The following HEPH variants were observed in gnomAD, a reference collection of about 807,000 sequenced individuals.
The protein encoded by HEPH is hephaestin.
HEPH carries 69 observed loss-of-function variants against 80.8 expected under a neutral mutation model. The ratio of observed to expected loss-of-function variants is 0.85; its 90% confidence interval spans 0.70 to 1.04. The LOEUF (loss-of-function observed/expected upper bound fraction) is 1.04, where lower values mean the gene tolerates loss of function less well. Among genes scored for constraint, HEPH ranks in the 50% least tolerant of loss-of-function variants. HEPH has a pLI of 0.00. For synonymous variants in HEPH, 431 were observed against 322.8 expected, an observed-to-expected ratio of 1.34 and a Z score of -3.60; for missense variants, 1,115 against 891.3, an observed-to-expected ratio of 1.25 and a Z score of -3.20.
intron 1 of HEPH, among the ~76,000 whole-genome samples, chrX:66,165,664 G>C (rs2086321871): frequency 9.0e-6 from 1 of 111,562 alleles, no homozygotes; most frequent in Admixed American, 9.5e-5. Flanking sequence ...GTAAAGGTAA[G>C]GGAGGCTTAA....
At chrX:66,239,533 A>G (rs1246154966) in intron 15 of HEPH, among the ~76,000 whole-genome samples, 7 of 111,572 alleles carry the variant, frequency 6.3e-5, no homozygotes, top group Non-Finnish European at 7.5e-5. Context: ...CCTCTATGTG[A>G]TAATTACTTT....
intron 15 of HEPH, among the ~76,000 whole-genome samples, chrX:66,229,527 A>G (rs1045581092): frequency 9.0e-6 from 1 of 111,715 alleles, no homozygotes; most frequent in African/African-American, 3.3e-5. Context: ...ATGGGTGCAC[A>G]AAAGTATCAG....
At chrX:66,199,363 C>A (rs1346787758) in intron 11 of HEPH, among the ~76,000 whole-genome samples, 1 of 108,885 alleles carries the variant, frequency 9.2e-6, no homozygotes, top group Non-Finnish European at 1.9e-5. Context: ...CCTTGGGTCC[C>A]CCCCCCCCAT....
At chrX:66,192,091 T>C in intron 6 of HEPH, 39 bp from the exon 7 acceptor site, 1 of 1,164,870 alleles carries the variant, frequency 8.6e-7, no homozygotes, top group Non-Finnish European at 1.2e-6. Flanking sequence ...TAAAATCCTA[T>C]TGGATAGAAT....
At chrX:66,207,356 C>G in intron 14 of HEPH, 22 bp downstream of exon 14, 1 of 1,138,213 alleles carries the variant, frequency 8.8e-7, no homozygotes, top group Non-Finnish European at 1.2e-6. Flanking sequence ...CTACTTCCCT[C>G]CTAGTGTTTA....
chrX:66,256,689 T>C (rs774212700), intron 17 of HEPH, among the ~76,000 whole-genome samples: 7 of 112,098 alleles, frequency 6.2e-5, no homozygotes, highest in Non-Finnish European at 1.1e-4. Context: ...ACCCTGAGTT[T>C]AGTCTGCCAA....
At chrX:66,184,521 C>T (rs1227582867) in intron 4 of HEPH, among the ~76,000 whole-genome samples, 5 of 36,743 alleles carry the variant, frequency 1.4e-4, no homozygotes. Flanking sequence ...ACTAGGATTG[C>T]AACCCCTGCC....
At chrX:66,208,640 A>G (rs1250717923) in intron 15 of HEPH, among the ~76,000 whole-genome samples, 1 of 50,324 alleles carries the variant, frequency 2.0e-5, no homozygotes, top group Non-Finnish European at 3.3e-5. Context: ...ACATATATAT[A>G]TATATATATA....
chrX:66,211,786 G>A (rs1053998730), intron 15 of HEPH, among the ~76,000 whole-genome samples: 16 of 111,709 alleles, frequency 1.4e-4, no homozygotes, highest in African/African-American at 5.2e-4. Context: ...TGTGAATAGT[G>A]CTACAAGAAA....
Position 66,258,964 on chromosome X carries a change from G to C in HEPH, c.3021G>C (p.Glu1007Asp). The change falls in exon 18 of 21, where the codon GAG becomes GAC. Residue 1007 changes from glutamate (E) to aspartate (D), a missense_variant. Around this residue, in one of 3 missense-constraint regions of HEPH, gnomAD observed 716 missense variants for 523.5 expected, o/e 1.37. Coordinates refer to ENST00000343002, the MANE Select transcript of HEPH (RefSeq NM_001367233.3). ...TACACACCATCCACTTTCATGCAGA[G>C]AGCTTCCTCTATCGGGTGAGCTGGA... ...VDLHTIHFHA[E>D]SFLYRNGENY... The C allele has an allele frequency of 8.3e-7, 1 of 1,202,909 alleles. No individual in the cohort carries two copies. The highest frequency in any genetic ancestry group is 1.1e-6 in the Non-Finnish European group (1 of 892,059).
chrX:66,250,122 GT>G (rs940981696), intron 15 of HEPH, among the ~76,000 whole-genome samples: 3 of 111,028 alleles, frequency 2.7e-5, no homozygotes, highest in Non-Finnish European at 3.8e-5. Context: ...ATTCTACATG[GT>G]TTTTTTGTTG....
intron 15 of HEPH, among the ~76,000 whole-genome samples, chrX:66,245,939 T>C (rs1170000497): frequency 8.9e-6 from 1 of 112,153 alleles, no homozygotes; most frequent in Non-Finnish European, 1.9e-5. Context: ...TATGTTTCTT[T>C]TGTTGGGTGT....
intron 20 of HEPH, among the ~76,000 whole-genome samples, chrX:66,264,315 T>C (rs939728150): frequency 3.7e-5 from 4 of 106,980 alleles, no homozygotes; most frequent in African/African-American, 1.3e-4. Context: ...TAGGTCCTGC[T>C]GGGTTGGACA....
At chrX:66,232,825 C>CT (rs2090206275) in intron 15 of HEPH, among the ~76,000 whole-genome samples, 1 of 110,688 alleles carries the variant, frequency 9.0e-6, no homozygotes, top group Non-Finnish European at 1.9e-5. Context: ...GCCAGATTTA[C>CT]TTTTTTTAGG....
chrX:66,188,264 C>A, intron 4 of HEPH, 95 bp from the exon 5 acceptor site: 1 of 597,244 alleles, frequency 1.7e-6, no homozygotes, highest in Admixed American at 4.2e-5. Flanking sequence ...TTCTTAAGAC[C>A]CCTCTCTTTC....
upstream of HEPH, among the ~76,000 whole-genome samples, chrX:66,163,123 A>G (rs1318947348): frequency 1.8e-5 from 2 of 111,693 alleles, no homozygotes; most frequent in East Asian, 2.8e-4. Context: ...GGGAGGGTCC[A>G]TATCTAGTTT....
At chrX:66,242,316 A>G (rs1191327257) in intron 15 of HEPH, among the ~76,000 whole-genome samples, 1 of 111,932 alleles carries the variant, frequency 8.9e-6, no homozygotes, top group African/African-American at 3.2e-5. Context: ...GACTAGCAAT[A>G]TGCAGAAGAT....
chrX:66,260,593 T>G (rs2091330453), intron 19 of HEPH, among the ~76,000 whole-genome samples: 1 of 112,122 alleles, frequency 8.9e-6, no homozygotes, highest in Non-Finnish European at 1.9e-5. Flanking sequence ...GCCTGCTTCT[T>G]TTGAAATAAA....
At chrX:66,179,536 C>T (rs2086991406) in intron 4 of HEPH, among the ~76,000 whole-genome samples, 1 of 111,462 alleles carries the variant, frequency 9.0e-6, no homozygotes, top group South Asian at 3.8e-4. Flanking sequence ...TTACCTTGGG[C>T]AGTATTGGAT....
Sources: gnomAD v4.1 joint callset for allele counts (sites outside exome capture counted in the v4.1 genomes callset) on GRCh38, gnomAD v4.1.1 for gene constraint, gnomAD v4.1.1 regional missense constraint, MANE v1.5 for transcripts, NCBI Gene and HGNC (gene_info 2026-07-23, HGNC 2026-07-21) for gene names.